The following TRAPPC10 variants were observed in gnomAD, a reference collection of about 807,000 sequenced individuals.
TRAPPC10 encodes the protein trafficking protein particle complex subunit 10.
In TRAPPC10, 23 loss-of-function variants were observed where a neutral mutation model predicts 125.5. That is an observed-to-expected ratio of 0.18 (90% confidence interval 0.13 to 0.26). The LOEUF is 0.26. TRAPPC10 is among the 10% of genes least tolerant of loss of function. TRAPPC10 has a pLI of 1.00. For synonymous variants in TRAPPC10, 509 were observed against 518.0 expected (o/e 0.98, Z 0.24); for missense variants, 1,123 against 1,308.4 (o/e 0.86, Z 2.19).
chr21:44,059,398 T>G lies in TRAPPC10; in HGVS notation c.790+184T>G. On this transcript the variant is annotated intron_variant, in intron 6 of 22. Coordinates refer to ENST00000291574, the MANE Select transcript of TRAPPC10 (RefSeq NM_003274.5). The surrounding 1 kb of genome is among the most constrained non-coding windows in gnomAD (Gnocchi z 4.4). ...AAATGAAATGAGAATTAAGAATTAG[T>G]CATTTTCACTTTTAGAAGAATCTTA... is the stretch of plus-strand genomic sequence containing the variant. 2 of 701,638 alleles carry G rather than the reference T, an allele frequency of 2.9e-6. No individual in the cohort carries two copies. The highest frequency in any genetic ancestry group is 5.2e-6 in the Non-Finnish European group (2 of 381,868). 43.5% of individuals were successfully genotyped at this position (701,638 alleles called of 1,614,324 possible).
intron 1 of TRAPPC10, among the ~76,000 whole-genome samples, chr21:44,027,499 TAAG>T (rs1452573068): frequency 6.6e-6 from 1 of 152,214 alleles, no homozygotes; most frequent in Admixed American, 6.5e-5. Context: ...TTGTTAGAAT[TAAG>T]AAGTTGGGAA....
At chr21:44,019,265 G>A (rs1601547845) in intron 1 of TRAPPC10, among the ~76,000 whole-genome samples, 2 of 152,236 alleles carry the variant, frequency 1.3e-5, no homozygotes, top group East Asian at 1.9e-4. Flanking sequence ...GCCCAGGCAC[G>A]TTTTGAACTC....
Position 44,034,362 on chromosome 21 carries a change from G to T in TRAPPC10, c.149+2190G>T, listed in dbSNP as rs867659360. On this transcript the variant is annotated intron_variant, in intron 2 of 22. Transcript: ENST00000291574. Reference sequence around the variant, plus strand: ...CCCCCCCACCCCCGCCGCCCCTCAGGAACCTGGAAAGTCTTTCTGTGGACA... The same window carrying T: ...CCCCCCCACCCCCGCCGCCCCTCAGTAACCTGGAAAGTCTTTCTGTGGACA... 1.2e-3 allele frequency among the ~76,000 whole-genome samples: 70 copies of T among 58,514 alleles called. 1 individual carries two copies. In the Middle Eastern group the frequency reaches 0.1, roughly 86 times the overall value. The allele number at this position is 58,514 out of a possible 152,430, so 38.4% of individuals were successfully genotyped here.
chr21:44,041,951 C>T (rs1372376574), intron 3 of TRAPPC10, among the ~76,000 whole-genome samples: 3 of 152,012 alleles, frequency 2.0e-5, no homozygotes, highest in Admixed American at 2.0e-4. Context: ...GTCTCAAACT[C>T]CTGACATCAG....
At chr21:44,079,823 A>T (rs1427958674) in intron 12 of TRAPPC10, 119 bp downstream of exon 12, 2 of 1,168,106 alleles carry the variant, frequency 1.7e-6, no homozygotes, top group African/African-American at 1.6e-5. Flanking sequence ...TAACTTATAC[A>T]TATGTATTGT....
At chr21:44,026,951 A>T (rs2033129154) in intron 1 of TRAPPC10, among the ~76,000 whole-genome samples, 1 of 152,218 alleles carries the variant, frequency 6.6e-6, no homozygotes, top group African/African-American at 2.4e-5. Flanking sequence ...GGGGCCTACT[A>T]AGCCCTACAG....
intron 1 of TRAPPC10, 25 bp downstream of exon 1, chr21:44,012,585 C>T (rs1413135560): frequency 2.0e-6 from 3 of 1,527,078 alleles, no homozygotes; most frequent in Admixed American, 2.0e-5. Flanking sequence ...GCGGGGAGGG[C>T]GCGGCGGTCG....
At chr21:44,027,790 G>A (rs1389797060) in intron 1 of TRAPPC10, among the ~76,000 whole-genome samples, 1 of 152,124 alleles carries the variant, frequency 6.6e-6, no homozygotes, top group Non-Finnish European at 1.5e-5. Context: ...GCCTTTGGGA[G>A]GTGATTAGGT....
Position 44,070,113 on chromosome 21 carries a change from C to T in TRAPPC10, c.1039-4211C>T, listed in dbSNP as rs76809587. 5.0e-4 allele frequency among the ~76,000 whole-genome samples: 76 copies of T among 152,158 alleles called. 2 individuals carry two copies. In the East Asian group the frequency reaches 0.013, roughly 25 times the overall value. On this transcript the variant is annotated intron_variant, in intron 7 of 22. Transcript: ENST00000291574. ...GCTGGTGACTGGCAGGGAGTTCCAG[C>T]GGGAGCTGCCTTCACGGGAGGCATA...
chr21:44,076,503 A>G, intron 9 of TRAPPC10, 49 bp from the exon 10 acceptor site: 1 of 1,437,858 alleles, frequency 7.0e-7, no homozygotes. Context: ...AAGTCATGTG[A>G]CTGGACATGA....
intron 1 of TRAPPC10, among the ~76,000 whole-genome samples, chr21:44,028,572 G>T (rs2147234482): frequency 6.6e-6 from 1 of 152,358 alleles, no homozygotes. Context: ...TGTCTCCCCA[G>T]TGGGCATGAG....
intron 4 of TRAPPC10, among the ~76,000 whole-genome samples, chr21:44,052,987 T>C (rs1180217050): frequency 6.6e-6 from 1 of 152,084 alleles, no homozygotes; most frequent in African/African-American, 2.4e-5. Context: ...CTGGGGTAGC[T>C]CACTCCCTTT....
intron 7 of TRAPPC10, among the ~76,000 whole-genome samples, chr21:44,070,748 T>C (rs761490981): frequency 1.3e-5 from 2 of 152,144 alleles, no homozygotes; most frequent in Non-Finnish European, 2.9e-5. Context: ...CTCTAATGGG[T>C]AAAATAAGCC....
intron 3 of TRAPPC10, chr21:44,046,771 G>C (rs369849252): frequency 4.3e-6 from 2 of 466,888 alleles, no homozygotes; most frequent in Admixed American, 7.1e-5. Flanking sequence ...GCCTCCCAAA[G>C]TGCTGGGATT....
chr21:44,047,082 G>A lies in TRAPPC10; in HGVS notation c.286-5198G>A, dbSNP rs970536354. ...AGCTCAAGCAAGCAAGGCAGAGAAA[G>A]GGCTAATCAGACCCATGGCGAGATC... On this transcript the variant is annotated intron_variant, in intron 3 of 22. Transcript: ENST00000291574. The A allele has an allele frequency of 1.5e-5, 10 of 675,404 alleles. No individual in the cohort carries two copies. The African/African-American group carries it at 1.8e-4, about 12-fold the overall frequency. 41.8% of individuals were successfully genotyped at this position (675,404 alleles called of 1,614,324 possible).
chr21:44,056,644 C>T (rs535233785), intron 5 of TRAPPC10, among the ~76,000 whole-genome samples: 7 of 152,288 alleles, frequency 4.6e-5, no homozygotes, highest in African/African-American at 9.6e-5. Context: ...AATGAACCCA[C>T]GTAAAGGGAC....
chr21:44,039,572 A>T (rs948155440), intron 3 of TRAPPC10, among the ~76,000 whole-genome samples: 3 of 152,150 alleles, frequency 2.0e-5, no homozygotes, highest in Non-Finnish European at 2.9e-5. Context: ...TGTGCCTTAG[A>T]CATCAAGAAC....
chr21:44,022,226 A>G (rs950689650), intron 1 of TRAPPC10, among the ~76,000 whole-genome samples: 15 of 149,450 alleles, frequency 1.0e-4, no homozygotes, highest in African/African-American at 3.0e-4. Flanking sequence ...CTTCTGCCTC[A>G]GCTTCCCAAG....
At chr21:44,068,108 G>C (rs911268328) in intron 7 of TRAPPC10, among the ~76,000 whole-genome samples, 1 of 145,160 alleles carries the variant, frequency 6.9e-6, no homozygotes, top group Non-Finnish European at 1.5e-5. Flanking sequence ...AAAAGAGTGA[G>C]ACTCCGTCTC....
Sources: gnomAD v4.1 joint callset for allele counts (sites outside exome capture counted in the v4.1 genomes callset) on GRCh38, gnomAD v4.1.1 for gene constraint, Gnocchi (gnomAD v3.1) non-coding constraint, MANE v1.5 for transcripts, NCBI Gene and HGNC (gene_info 2026-07-23, HGNC 2026-07-21) for gene names.